Variants in ENO2 observed in about 807,000 individuals in gnomAD.
ENO2 encodes the protein enolase 2.
A neutral mutation model predicts 48.7 loss-of-function variants in ENO2; 19 were observed. The observed-to-expected ratio is 0.39, with a 90% CI of 0.27 to 0.57. The LOEUF (loss-of-function observed/expected upper bound fraction) is 0.57. Ranked by LOEUF, ENO2 falls within the 20% of genes least tolerant of loss-of-function variation. ENO2 has a pLI of 0.58. For missense variants in ENO2, 416 were observed against 555.0 expected (o/e 0.75, Z 2.52); for synonymous variants, 198 against 213.4 (o/e 0.93, Z 0.63).
In ENO2 at chr12:6,919,887, C is replaced by A. The variant is rs3213433; in HGVS notation, c.865+124C>A. 22,416 of 1,066,340 alleles carry A rather than the reference C, an allele frequency of 0.021. 1,871 individuals are homozygous for A. The East Asian group carries it at 0.23, about 11-fold the overall frequency. The allele number at this position is 1,066,340 out of a possible 1,614,324, so 66.1% of individuals were successfully genotyped here. On this transcript the variant is annotated intron_variant, in intron 8 of 11. Coordinates refer to ENST00000229277, the MANE Select transcript of ENO2 (RefSeq NM_001975.3). ...GGTGTCCTAAGAAGAACCTGAGAACCAGGGAGAGGGTGCAGGAGCCACCTG... is the reference window on the plus strand; with the variant it reads ...GGTGTCCTAAGAAGAACCTGAGAACAAGGGAGAGGGTGCAGGAGCCACCTG...
At position 6,921,702 on chromosome 12, in the gene ENO2, G is replaced by A. The variant is rs782417132; in HGVS notation, c.987G>A (p.Glu329=). The A allele has an allele frequency of 6.2e-7, 1 of 1,614,172 alleles. No homozygotes were observed. Among genetic ancestry groups the A allele is most frequent in the South Asian group, 1.1e-5 (1 of 91,082 alleles). Residue 329 remains glutamate (E), a synonymous_variant, in exon 9 of 12, where the codon GAG becomes GAA. Coordinates refer to ENST00000229277, the MANE Select transcript of ENO2 (RefSeq NM_001975.3). ...DLTVTNPKRI[E]RAVEEKACNC... ...CAGTGACCAACCCAAAACGTATTGA[G>A]CGGGCAGTGGAAGAAAAGGCCTGCA...
In ENO2 at chr12:6,917,679, C is replaced by T. The variant is rs781987595; in HGVS notation, c.409C>T (p.Leu137=). ...ELPLYRHIAQ[L]AGNSDLILPV... ...GCCCCTGTATCGCCACATTGCTCAG[C>T]TGGCCGGGAACTCAGACCTCATCCT... is the stretch of plus-strand genomic sequence containing the variant. The change falls in exon 6 of 12, where the codon CTG becomes TTG. Residue 137 remains leucine (L), a synonymous_variant. Transcript: ENST00000229277. The T allele has an allele frequency of 9.2e-6, 14 of 1,525,348 alleles. No individual in the cohort carries two copies. Among genetic ancestry groups the T allele is most frequent in the Admixed American group, 3.5e-5 (2 of 57,186 alleles). The allele number at this position is 1,525,348 out of a possible 1,614,324, so 94.5% of individuals were successfully genotyped here. A position where few individuals can be genotyped will look rare whatever the true frequency, so the allele number is the denominator to read the frequency against.
At chr12:6,917,763 G>A in intron 6 of ENO2, 49 bp downstream of exon 6, 1 of 1,501,404 alleles carries the variant, frequency 6.7e-7, no homozygotes, top group Non-Finnish European at 9.2e-7. Context: ...GTGGGGGAGG[G>A]AGCATGCAAC....
intron 1 of ENO2, chr12:6,915,270 C>A (rs1187576043): frequency 6.3e-6 from 1 of 157,580 alleles, no homozygotes; most frequent in Non-Finnish European, 1.4e-5. Flanking sequence ...TCTTCCCCGA[C>A]ACCTGTATTG....
chr12:6,921,963 C>T lies in ENO2; in HGVS notation c.1068-93C>T, dbSNP rs1565560111. On this transcript the variant is annotated intron_variant, in intron 9 of 11. Coordinates refer to ENST00000229277, the MANE Select transcript of ENO2 (RefSeq NM_001975.3). ...CTCTGCTCCCCTCCCAGATAGCTTTCCCCTAGATGTTTCCTGACATAGACC... is the reference window on the plus strand; with the variant it reads ...CTCTGCTCCCCTCCCAGATAGCTTTTCCCTAGATGTTTCCTGACATAGACC... 11 of 1,561,314 alleles carry T rather than the reference C, an allele frequency of 7.0e-6. No homozygotes were observed. In the East Asian group the frequency reaches 1.8e-4, roughly 25 times the overall value.
chr12:6,917,061 G>T lies in ENO2; in HGVS notation c.264G>T (p.Glu88Asp). 6.2e-7 allele frequency: 1 copy of T among 1,614,206 alleles called. No homozygotes were observed. Among genetic ancestry groups the T allele is most frequent in the Non-Finnish European group, 8.5e-7 (1 of 1,180,040 alleles). Residue 88 changes from glutamate (E) to aspartate (D), a missense_variant, in exon 5 of 12, where the codon GAG (glutamate) becomes GAT (aspartate). Physicochemically the swap from Glu to Asp is conservative, Grantham distance 45 (BLOSUM62 2). Coordinates refer to ENST00000229277, the MANE Select transcript of ENO2 (RefSeq NM_001975.3). ...AGGGTCTCTCTGTGGTGGAGCAAGA[G>T]AAACTGGACAACCTGATGCTGGAGT... ...ISSGLSVVEQEKLDNLMLELD... is the reference protein window; with the variant it reads ...ISSGLSVVEQDKLDNLMLELD...
chr12:6,916,683 C>T lies in ENO2; in HGVS notation c.194C>T (p.Ala65Val). The T allele has an allele frequency of 6.2e-7, 1 of 1,614,202 alleles. No homozygotes were observed. Among genetic ancestry groups the T allele is most frequent in the East Asian group, 2.2e-5 (1 of 44,886 alleles). The change falls in exon 4 of 12, where the codon GCA becomes GTA. Residue 65 changes from alanine (A) to valine (V), a missense_variant. Coordinates refer to ENST00000229277, the MANE Select transcript of ENO2 (RefSeq NM_001975.3). This position sits in a 1 kb window ranked among gnomAD's most constrained non-coding sequence, Gnocchi z 4.5. Reference protein sequence around the residue: ...QRYLGKGVLKAVDHINSTIAP... With the variant: ...QRYLGKGVLKVVDHINSTIAP... ...TTCCTTTCCCCAGGTGTCCTGAAGG[C>T]AGTGGACCACATCAACTCCACCATC... is the stretch of plus-strand genomic sequence containing the variant.
At chr12:6,921,917 T>G in intron 9 of ENO2, 135 bp downstream of exon 9, 1 of 1,486,302 alleles carries the variant, frequency 6.7e-7, no homozygotes, top group Non-Finnish European at 9.3e-7. Context: ...TTCTCTCACC[T>G]CTGCCCCTCC....
chr12:6,923,225 C>A lies in ENO2; in HGVS notation c.*425C>A. On this transcript the variant is annotated 3_prime_UTR_variant, in exon 12 of 12. Transcript: ENST00000229277. ...CTTTGCATATGAGCCGTGAACTGTG[C>A]ATAGTGCTGGGATGGAGGGGAGTGT... The A allele has an allele frequency of 5.3e-6, 1 of 189,992 alleles. No homozygotes were observed. The highest frequency in any genetic ancestry group is 1.1e-5 in the Non-Finnish European group (1 of 89,174). The allele number at this position is 189,992 out of a possible 1,614,324, so 11.8% of individuals were successfully genotyped here.
intron 1 of ENO2, 46 bp from the exon 2 acceptor site, chr12:6,915,775 C>T: frequency 6.4e-7 from 1 of 1,573,532 alleles, no homozygotes; most frequent in Non-Finnish European, 8.7e-7. Context: ...GGCTCCACCC[C>T]TCTAAGCCTC....
chr12:6,923,038 C>G lies in ENO2; in HGVS notation c.*238C>G, dbSNP rs1474012075. 1.2e-5 allele frequency: 6 copies of G among 507,694 alleles called. No individual in the cohort carries two copies. Among genetic ancestry groups the G allele is most frequent in the Non-Finnish European group, 3.6e-6 (1 of 279,794 alleles). The allele number at this position is 507,694 out of a possible 1,614,324, so 31.4% of individuals were successfully genotyped here. A position where few individuals can be genotyped will look rare whatever the true frequency, so the allele number is the denominator to read the frequency against. On this transcript the variant is annotated 3_prime_UTR_variant, in exon 12 of 12. Transcript: ENST00000229277. ...TTTCCACTTCTTCCTTTCTCTTTCT[C>G]TCTTCCCTCAGAAACTAGAAATGTG...
chr12:6,917,595 A>T lies in ENO2; in HGVS notation c.325A>T (p.Asn109Tyr). ...TAATCTCCTAGCCAAGTTTGGGGCC[A>T]ATGCCATCCTGGGTGTGTCTCTGGC... The part of the protein sequence containing the change: ...GTENKSKFGA[N>Y]AILGVSLAVC... Residue 109 changes from asparagine to tyrosine, a missense_variant, in exon 6 of 12, where the codon AAT becomes TAT. Transcript: ENST00000229277. The T allele has an allele frequency of 6.2e-7, 1 of 1,613,212 alleles. No homozygotes were observed. Among genetic ancestry groups the T allele is most frequent in the Non-Finnish European group, 8.5e-7 (1 of 1,179,502 alleles).
At position 6,922,754 on chromosome 12, in the gene ENO2, A is replaced by T; in HGVS notation, c.1259A>T (p.Glu420Val). ...AGAATTGAGGAAGAGCTGGGGGATGAAGCTCGCTTTGCCGGACATAACTTC... is the reference window on the plus strand; with the variant it reads ...AGAATTGAGGAAGAGCTGGGGGATGTAGCTCGCTTTGCCGGACATAACTTC... ...LMRIEEELGD[E>V]ARFAGHNFRN... The change falls in exon 12 of 12, where the codon GAA becomes GTA. Residue 420 changes from glutamate to valine, a missense_variant. Transcript: ENST00000229277. This position sits in a 1 kb window ranked among gnomAD's most constrained non-coding sequence, Gnocchi z 5.3. The T allele has an allele frequency of 1.2e-6, 2 of 1,614,088 alleles. No homozygotes were observed. Among genetic ancestry groups the T allele is most frequent in the Non-Finnish European group, 1.7e-6 (2 of 1,179,996 alleles).
At chr12:6,918,710 G>T (rs781961186) in intron 7 of ENO2, among the ~76,000 whole-genome samples, 46 of 151,128 alleles carry the variant, frequency 3.0e-4, no homozygotes, top group Admixed American at 2.7e-3. Flanking sequence ...GGCCGGGCGC[G>T]GTGGCTCACA....
At chr12:6,917,160 G>A (rs782541357) in intron 5 of ENO2, 53 bp downstream of exon 5, 2 of 1,607,708 alleles carry the variant, frequency 1.2e-6, no homozygotes, top group East Asian at 2.2e-5. Flanking sequence ...GAGGCGTGGA[G>A]CAGATAGAGA....
At chr12:6,915,586 G>C in intron 1 of ENO2, 4 of 492,272 alleles carry the variant, frequency 8.1e-6, no homozygotes, top group South Asian at 5.4e-5. Flanking sequence ...ATCTTACCCC[G>C]CCCCCCACTG....
At position 6,922,403 on chromosome 12, in the gene ENO2, G is replaced by C; in HGVS notation, c.1235+1G>C. The C allele has an allele frequency of 6.2e-7, 1 of 1,614,200 alleles. No homozygotes were observed. Among genetic ancestry groups the C allele is most frequent in the Non-Finnish European group, 8.5e-7 (1 of 1,180,040 alleles). On this transcript the variant is annotated splice_donor_variant, in intron 11 of 11. Transcript: ENST00000229277. LOFTEE classifies it high-confidence loss of function. This position sits in a 1 kb window ranked among gnomAD's most constrained non-coding sequence, Gnocchi z 5.3. Reference sequence around the variant, plus strand: ...TGGCTAAATACAACCAGCTCATGAGGTGAGGGTCCCTGGGGTGGGAGCCCC... The same window carrying C: ...TGGCTAAATACAACCAGCTCATGAGCTGAGGGTCCCTGGGGTGGGAGCCCC...
At position 6,916,342 on chromosome 12, in the gene ENO2, T is replaced by C. The variant is rs1225278152; in HGVS notation, c.86-75T>C. On this transcript the variant is annotated intron_variant, in intron 2 of 11. Transcript: ENST00000229277. The surrounding 1 kb of genome is among the most constrained non-coding windows in gnomAD (Gnocchi z 4.5). ...AGCTAGATGTGGTAGGCAGGCAGTT[T>C]AGAGCCAGAAGGCTGAAGGACTCCC... 3.6e-5 allele frequency: 52 copies of C among 1,432,426 alleles called. No homozygotes were observed. Among genetic ancestry groups the C allele is most frequent in the Non-Finnish European group, 5.0e-5 (52 of 1,049,174 alleles). The allele number at this position is 1,432,426 out of a possible 1,614,324, so 88.7% of individuals were successfully genotyped here.
intron 9 of ENO2, 100 bp downstream of exon 9, chr12:6,921,882 G>A (rs1052868624): frequency 7.8e-6 from 12 of 1,529,738 alleles, no homozygotes; most frequent in South Asian, 7.1e-5. Context: ...CAAAGAGAGC[G>A]GGGAACCTGG....
Sources: allele counts gnomAD v4.1 joint callset (sites outside exome capture counted in the v4.1 genomes callset), GRCh38; gene constraint gnomAD v4.1.1; non-coding constraint Gnocchi (gnomAD v3.1); transcripts MANE v1.5; gene names NCBI Gene and HGNC (gene_info 2026-07-23, HGNC 2026-07-21).